Variants in VWF observed in about 807,000 individuals in gnomAD.
The protein encoded by VWF is von Willebrand factor, also known as Factor VIII related antigen.
Under a neutral mutation model 308.6 loss-of-function variants are expected in VWF, and 176 were observed. The observed-to-expected ratio is 0.57, with a 90% CI of 0.50 to 0.65. The LOEUF (loss-of-function observed/expected upper bound fraction) is 0.65, where lower values mean the gene tolerates loss of function less well. Among genes scored for constraint, VWF ranks in the 30% least tolerant of loss-of-function variants. The pLI, the probability that VWF is intolerant of heterozygous loss-of-function variation, is 0.00. For missense variants in VWF, 3,146 were observed against 3,648.2 expected (o/e 0.86, Z 3.55); for synonymous variants, 1,385 against 1,443.4 (o/e 0.96, Z 0.92).
intron 17 of VWF, among the ~76,000 whole-genome samples, chr12:6,045,273 G>A (rs957021833): frequency 5.3e-5 from 8 of 152,150 alleles, no homozygotes; most frequent in Non-Finnish European, 8.8e-5. Flanking sequence ...TCACATACTC[G>A]CTCCTCTGGG....
intron 34 of VWF, among the ~76,000 whole-genome samples, chr12:6,006,510 G>T (rs1943928504): frequency 6.6e-6 from 1 of 152,160 alleles, no homozygotes; most frequent in Non-Finnish European, 1.5e-5. Flanking sequence ...AGGTGCGGTG[G>T]CTCATGTCTG....
chr12:6,036,398 A>C lies in VWF; in HGVS notation c.2536T>G (p.Cys846Gly), dbSNP rs200106723. The change falls in exon 19 of 52, where the codon TGC becomes GGC. Residue 846 changes from cysteine (C) to glycine (G), a missense_variant. Cys to Gly is a radical substitution (Grantham distance 159). Around this residue, in one of 3 missense-constraint regions of VWF, gnomAD observed 1,304 missense variants for 1,353.0 expected, o/e 0.96. Coordinates refer to ENST00000261405, the MANE Select transcript of VWF (RefSeq NM_000552.5). ...CTCACTGAGCCTCACCAAGTGTTGC[A>C]GCCAATCTTCACTGTTTCTCCAGGG... is the stretch of plus-strand genomic sequence containing the variant. ...YAPGETVKIGCNTCVCQDRKW... is the reference protein window; with the variant it reads ...YAPGETVKIGGNTCVCQDRKW... The C allele has an allele frequency of 8.2e-5, 133 of 1,614,080 alleles. 1 individual carries two copies. The highest frequency in any genetic ancestry group is 1.6e-4 in the Middle Eastern group (1 of 6,082).
chr12:6,071,839 A>G (rs1393254149), intron 9 of VWF, among the ~76,000 whole-genome samples: 1 of 152,222 alleles, frequency 6.6e-6, no homozygotes, highest in African/African-American at 2.4e-5. Context: ...AAAGCCAGCC[A>G]GAGGTGACAT....
chr12:6,086,038 T>C (rs1944968135), intron 6 of VWF, among the ~76,000 whole-genome samples: 1 of 152,180 alleles, frequency 6.6e-6, no homozygotes, highest in Admixed American at 6.5e-5. Context: ...ATTGGCTCCC[T>C]GCCCTTCTCC....
Position 6,068,864 on chromosome 12 carries a change from GTGTA to G in VWF, c.1156+2429_1156+2432del, listed in dbSNP as rs1159682167. 4.2e-4 allele frequency among the ~76,000 whole-genome samples: 52 copies of G among 123,914 alleles called. 1 individual carries two copies. The highest frequency in any genetic ancestry group is 1.4e-3 in the African/African-American group (48 of 33,796). 81.3% of individuals were successfully genotyped at this position (123,914 alleles called of 152,430 possible). On this transcript the variant is annotated intron_variant, in intron 10 of 51. Transcript: ENST00000261405. ...TGTGTGTGTGTGTGTGTGTGTGTGT[GTGTA>G]TGTGTGTGTGATAGGATCTCTGTCA...
At position 5,985,753 on chromosome 12, in the gene VWF, G is replaced by T; in HGVS notation, c.6799-88C>A. The T allele has an allele frequency of 1.6e-6, 2 of 1,247,806 alleles. 1 individual carries two copies. Among genetic ancestry groups the T allele is most frequent in the South Asian group, 2.5e-5 (2 of 78,920 alleles). The allele number at this position is 1,247,806 out of a possible 1,614,324, so 77.3% of individuals were successfully genotyped here. A position where few individuals can be genotyped will look rare whatever the true frequency, so the allele number is the denominator to read the frequency against. ...CAGAGGTCAGCTCTCCCTGCCTCCG[G>T]CAAGGGCCAGTCCCTGACCCAGCCC... On this transcript the variant is annotated intron_variant, in intron 38 of 51. Coordinates refer to ENST00000261405, the MANE Select transcript of VWF (RefSeq NM_000552.5).
rs771917976 is a variant in VWF, at chr12:6,064,402, A to C, written c.1294-18T>G. The C allele has an allele frequency of 2.5e-6, 4 of 1,613,850 alleles. No homozygotes were observed. Among genetic ancestry groups the C allele is most frequent in the Admixed American group, 1.7e-5 (1 of 60,018 alleles). Reference sequence around the variant, plus strand: ...TCAGCACACTGCCAAGAGGGAACACAGGGTGACTTTGCTGCACCCCCTGCC... The same window carrying C: ...TCAGCACACTGCCAAGAGGGAACACCGGGTGACTTTGCTGCACCCCCTGCC... On this transcript the variant is annotated intron_variant, in intron 11 of 51. Transcript: ENST00000261405.
chr12:5,960,755 C>T (rs191714411), intron 47 of VWF, among the ~76,000 whole-genome samples: 1 of 152,184 alleles, frequency 6.6e-6, no homozygotes, highest in Non-Finnish European at 1.5e-5. Context: ...TTAAAATATA[C>T]AGCAAAACTG....
chr12:6,071,334 T>A lies in VWF; in HGVS notation c.1119A>T (p.Arg373=), dbSNP rs751725234. ...CATTGCTGCAGATCCACTGGCTGTT[T>A]CGGCAAATGCTGTTGGAGGGAAAAA... ...LSRDCNTCIC[R]NSQWICSNEE... Residue 373 remains arginine (R), a synonymous_variant, in exon 10 of 52, where the codon CGA becomes CGT. Coordinates refer to ENST00000261405, the MANE Select transcript of VWF (RefSeq NM_000552.5). 10 of 1,614,068 alleles carry A rather than the reference T, an allele frequency of 6.2e-6. No homozygotes were observed. The African/African-American group carries it at 1.3e-4, about 22-fold the overall frequency.
At chr12:6,087,408 G>T (rs1591909272) in intron 6 of VWF, among the ~76,000 whole-genome samples, 1 of 148,260 alleles carries the variant, frequency 6.7e-6, no homozygotes, top group African/African-American at 2.5e-5. Context: ...GCCCAGGCTG[G>T]AGTGCAGTGG....
chr12:5,967,541 AC>A lies in VWF; in HGVS notation c.7831del (p.Val2611SerfsTer43). The A allele has an allele frequency of 6.2e-7, 1 of 1,613,794 alleles. No homozygotes were observed. On this transcript the variant is annotated frameshift_variant, in exon 47 of 52. Coordinates refer to ENST00000261405, the MANE Select transcript of VWF (RefSeq NM_000552.5). LOFTEE classifies it high-confidence loss of function. ...GCACTCCAGCTTGAATCCAGAGATG[AC>A]CCCCACCTGCACCATGCAGCGGCAG... ...TTCRCMVQVG[V>X]ISGFKLECRK... is the part of the protein sequence containing the mutation.
chr12:6,068,854 GTGTGTGTGTGTGTA>G (rs1681909605), intron 10 of VWF, among the ~76,000 whole-genome samples: 4 of 136,612 alleles, frequency 2.9e-5, no homozygotes, highest in African/African-American at 1.1e-4. Flanking sequence ...GTGTGTGTGT[GTGTGTGTGTGTGTA>G]TGTGTGTGTG....
intron 3 of VWF, among the ~76,000 whole-genome samples, chr12:6,112,879 C>T (rs1412920558): frequency 2.5e-5 from 2 of 81,228 alleles, no homozygotes; most frequent in East Asian, 2.3e-4. Flanking sequence ...CATGCACACA[C>T]ATAAGCATGC....
intron 3 of VWF, among the ~76,000 whole-genome samples, chr12:6,118,391 T>A (rs1945392917): frequency 8.1e-6 from 1 of 123,630 alleles, no homozygotes; most frequent in Admixed American, 7.6e-5. Flanking sequence ...TTTTTTTTTT[T>A]TTTTTTTTTT....
chr12:5,994,783 G>A (rs967021680), intron 35 of VWF, among the ~76,000 whole-genome samples, 176 bp from the exon 36 acceptor site: 6 of 152,146 alleles, frequency 3.9e-5, no homozygotes, highest in Non-Finnish European at 8.8e-5. Flanking sequence ...AGAAAACAGA[G>A]CTTGACTTTA....
chr12:6,103,790 G>T (rs983704989), intron 5 of VWF, among the ~76,000 whole-genome samples: 1 of 152,056 alleles, frequency 6.6e-6, no homozygotes, highest in African/African-American at 2.4e-5. Context: ...AGACTTGAAT[G>T]TAAGGTCTGA....
At chr12:6,053,555 C>G (rs1396523569) in intron 15 of VWF, among the ~76,000 whole-genome samples, 1 of 152,150 alleles carries the variant, frequency 6.6e-6, no homozygotes, top group Non-Finnish European at 1.5e-5. Context: ...CCCTAGCCTC[C>G]CACAGAAAAA....
chr12:6,083,218 T>TGTTGGAAGG (rs11282431), intron 6 of VWF, among the ~76,000 whole-genome samples: 70,964 of 151,298 alleles, frequency 0.47, 16,734 homozygotes, highest in Middle Eastern at 0.5. Context: ...GGTTTTGCCA[T>TGTTGGAAGG]GTTGGAAGGG....
At position 6,018,493 on chromosome 12, in the gene VWF, A is replaced by G. The variant is rs752818760; in HGVS notation, c.4925T>C (p.Ile1642Thr). 1 of 1,613,586 alleles carries G rather than the reference A, an allele frequency of 6.2e-7. No homozygotes were observed. The highest frequency in any genetic ancestry group is 1.1e-5 in the South Asian group (1 of 91,032). The stretch of plus-strand genomic sequence containing the variant: ...GAGGATAGGGGCATTGGGCCAGCCA[A>G]TCCTCTCCAGCTCCTGCACGTTGGC... ...PNANVQELER[I>T]GWPNAPILIQ... The change falls in exon 28 of 52, where the codon ATT becomes ACT. Residue 1642 changes from isoleucine to threonine, a missense_variant. Ile to Thr is a moderately conservative substitution (Grantham distance 89). Transcript: ENST00000261405.
Sources: allele counts gnomAD v4.1 joint callset (sites outside exome capture counted in the v4.1 genomes callset), GRCh38; gene constraint gnomAD v4.1.1; regional missense constraint gnomAD v4.1.1; transcripts MANE v1.5; gene names NCBI Gene and HGNC (gene_info 2026-07-23, HGNC 2026-07-21).